Variants in STK39 observed in about 807,000 individuals in gnomAD.
STK39 encodes the protein STE20/SPS1-related proline-alanine-rich protein kinase.
A neutral mutation model predicts 77.8 loss-of-function variants in STK39; 20 were observed. That is an observed-to-expected ratio of 0.26 (90% CI 0.18 to 0.37). The LOEUF is 0.37. Among genes scored for constraint, STK39 ranks in the 10% least tolerant of loss-of-function variants. The pLI, the probability that STK39 is intolerant of heterozygous loss-of-function variation, is 1.00. For missense variants in STK39, 479 were observed against 656.5 expected (o/e 0.73, Z 2.95); for synonymous variants, 246 against 234.1 (o/e 1.05, Z -0.47).
chr2:168,098,105 A>G (rs1177756224), intron 10 of STK39, among the ~76,000 whole-genome samples: 1 of 152,170 alleles, frequency 6.6e-6, no homozygotes, highest in African/African-American at 2.4e-5. Context: ...ACTCTTCTTT[A>G]TCATTCTTCT....
chr2:168,181,117 T>C (rs1028873332), intron 2 of STK39, among the ~76,000 whole-genome samples: 2 of 152,216 alleles, frequency 1.3e-5, no homozygotes, highest in Non-Finnish European at 2.9e-5. Context: ...TTGTAGCTTG[T>C]ATGGAGCTAC....
chr2:168,153,531 G>T (rs1688344724), intron 5 of STK39, among the ~76,000 whole-genome samples: 1 of 151,972 alleles, frequency 6.6e-6, no homozygotes, highest in African/African-American at 2.4e-5. Flanking sequence ...TCAAGTTTAT[G>T]CTGCTGCTGC....
chr2:168,020,027 C>T (rs80197801), intron 14 of STK39, among the ~76,000 whole-genome samples: 18,883 of 152,090 alleles, frequency 0.12, 1,505 homozygotes, highest in Middle Eastern at 0.18. Flanking sequence ...AAACTACCAA[C>T]GTCACCACTG....
At chr2:168,080,606 G>A (rs1374061802) in intron 10 of STK39, among the ~76,000 whole-genome samples, 1 of 152,006 alleles carries the variant, frequency 6.6e-6, no homozygotes, top group Non-Finnish European at 1.5e-5. Context: ...CTCCAGCCTG[G>A]GCGACAGAGT....
chr2:167,997,165 T>A (rs542020675), intron 16 of STK39, among the ~76,000 whole-genome samples: 10 of 151,580 alleles, frequency 6.6e-5, no homozygotes, highest in Admixed American at 4.6e-4. Context: ...CCACTGCTAG[T>A]GTGGAGGTGG....
intron 10 of STK39, among the ~76,000 whole-genome samples, chr2:168,106,512 G>T (rs1686978318): frequency 6.6e-6 from 1 of 152,066 alleles, no homozygotes; most frequent in South Asian, 2.1e-4. Flanking sequence ...AGTTACATGT[G>T]GGGTACAGCT....
chr2:168,005,416 G>GA (rs67590818), intron 16 of STK39, among the ~76,000 whole-genome samples: 8,276 of 144,614 alleles, frequency 0.057, 320 homozygotes, highest in Non-Finnish European at 0.077. Flanking sequence ...ACGCAGAGAG[G>GA]AAAAAAAAAA....
At chr2:168,159,778 A>G (rs1688522942) in intron 5 of STK39, among the ~76,000 whole-genome samples, 1 of 152,170 alleles carries the variant, frequency 6.6e-6, no homozygotes, top group African/African-American at 2.4e-5. Context: ...GCATACTCAA[A>G]AAGATACCAA....
chr2:168,006,057 C>T (rs1388081121), intron 16 of STK39, among the ~76,000 whole-genome samples: 1 of 152,210 alleles, frequency 6.6e-6, no homozygotes, highest in Non-Finnish European at 1.5e-5. Context: ...GAAATTCCAA[C>T]ATCTGGTTCT....
At chr2:168,111,453 C>G (rs1687117585) in intron 10 of STK39, among the ~76,000 whole-genome samples, 1 of 152,098 alleles carries the variant, frequency 6.6e-6, no homozygotes, top group South Asian at 2.1e-4. Flanking sequence ...TTTCCCAATA[C>G]TTTGAGGATA....
chr2:168,092,989 C>T (rs963049546), intron 10 of STK39, among the ~76,000 whole-genome samples: 1 of 152,164 alleles, frequency 6.6e-6, no homozygotes, highest in Non-Finnish European at 1.5e-5. Flanking sequence ...TCTCTCCAGG[C>T]CACCCTCTCC....
intron 1 of STK39, among the ~76,000 whole-genome samples, chr2:168,231,589 G>A (rs1045567028): frequency 1.3e-5 from 2 of 151,678 alleles, no homozygotes; most frequent in African/African-American, 4.8e-5. Flanking sequence ...TCAAGCAGAA[G>A]ACTAAAATAT....
At chr2:168,159,688 C>T (rs149969461) in intron 5 of STK39, among the ~76,000 whole-genome samples, 235 of 152,268 alleles carry the variant, frequency 1.5e-3, no homozygotes, top group African/African-American at 5.5e-3. Context: ...AGAAGCTGTA[C>T]ATTTAGGTGC....
intron 5 of STK39, among the ~76,000 whole-genome samples, chr2:168,146,533 A>G (rs1448458406): frequency 6.6e-6 from 1 of 152,216 alleles, no homozygotes; most frequent in East Asian, 1.9e-4. Flanking sequence ...CCATAGCTTC[A>G]GGGGACCCTG....
intron 15 of STK39, among the ~76,000 whole-genome samples, chr2:168,015,383 C>A (rs1684379297): frequency 6.6e-6 from 1 of 152,244 alleles, no homozygotes; most frequent in African/African-American, 2.4e-5. Context: ...ATACAGACAG[C>A]ATCAATAGTC....
intron 1 of STK39, among the ~76,000 whole-genome samples, chr2:168,230,086 G>A (rs1690415031): frequency 1.3e-5 from 2 of 152,156 alleles, no homozygotes; most frequent in South Asian, 4.1e-4. Context: ...GACAAATATT[G>A]TATATTCATC....
chr2:168,091,304 T>G (rs12465899), intron 10 of STK39, among the ~76,000 whole-genome samples: 7,421 of 152,214 alleles, frequency 0.049, 367 homozygotes, highest in African/African-American at 0.1. Context: ...TGCAGAAACA[T>G]GCCTCACATT....
In STK39 at chr2:168,223,510, C is replaced by CAA. The variant is rs60067513; in HGVS notation, c.208+23716_208+23717dup. 3.1e-3 allele frequency among the ~76,000 whole-genome samples: 313 copies of CAA among 102,054 alleles called. 2 individuals are homozygous for CAA. Among genetic ancestry groups the CAA allele is most frequent in the Middle Eastern group, 9.4e-3 (2 of 212 alleles). The allele number at this position is 102,054 out of a possible 152,430, so 67.0% of individuals were successfully genotyped here. ...TGGGTGACAGAGTGAGACTCCGTCT[C>CAA]AAAAAAAAAAAAAAAAAAAGAAAAG... is the stretch of plus-strand genomic sequence containing the variant. On this transcript the variant is annotated intron_variant, in intron 1 of 17. Transcript: ENST00000355999.
intron 10 of STK39, among the ~76,000 whole-genome samples, chr2:168,101,606 C>T (rs561925379): frequency 5.9e-5 from 9 of 152,036 alleles, no homozygotes; most frequent in African/African-American, 1.7e-4. Flanking sequence ...GGCATGGTGG[C>T]GTGCACCTAT....
Sources: gnomAD v4.1 joint callset for allele counts (sites outside exome capture counted in the v4.1 genomes callset) on GRCh38, gnomAD v4.1.1 for gene constraint, MANE v1.5 for transcripts, NCBI Gene and HGNC (gene_info 2026-07-23, HGNC 2026-07-21) for gene names.